Variants in GPR119 observed in about 807,000 individuals in gnomAD.
GPR119 encodes the protein G protein-coupled receptor 119, also known as glucose-dependent insulinotropic receptor.
Under a neutral mutation model 13.3 loss-of-function variants are expected in GPR119, and 7 were observed. That is an observed-to-expected ratio of 0.53 (90% CI 0.30 to 0.99). The LOEUF is 0.99. Ranked by LOEUF, GPR119 falls within the 50% of genes least tolerant of loss-of-function variation. The probability of loss-of-function intolerance (pLI) is 0.06; values close to 1 mark genes in which losing one functional copy is unlikely to be tolerated. For missense variants in GPR119, 197 were observed against 263.0 expected, an observed-to-expected ratio of 0.75 and a Z score of 1.74; for synonymous variants, 107 against 112.5, an observed-to-expected ratio of 0.95 and a Z score of 0.31.
chrX:130,383,392 T>C (rs1023425912), intron 1 of GPR119, among the ~76,000 whole-genome samples: 1 of 111,913 alleles, frequency 8.9e-6, no homozygotes, highest in Non-Finnish European at 1.9e-5. Context: ...GCAAAGTGGC[T>C]CCAGTCTGGA....
Position 130,385,453 on chromosome X carries a change from G to T in GPR119, c.-6C>A, listed in dbSNP as rs199934748. The T allele has an allele frequency of 8.3e-7, 1 of 1,202,425 alleles. No homozygotes were observed. The highest frequency in any genetic ancestry group is 1.1e-6 in the Non-Finnish European group (1 of 889,417). ...AATGAGAAAGATGATTCCATGTCTC[G>T]AAGTGGCAGGACTTCACTTACCAGG... is the stretch of plus-strand genomic sequence containing the variant. On this transcript the variant is annotated 5_prime_UTR_variant, in exon 1 of 2. Transcript: ENST00000682440.
In GPR119 at chrX:130,379,629, T is replaced by C. The variant is rs1446840058; in HGVS notation, c.*2927A>G. ...CTATAGGGAAATAGTTAAAGTATTA[T>C]ACCATTTGTTGAAAAAGCATGCAAC... On this transcript the variant is annotated 3_prime_UTR_variant, in exon 2 of 2. Coordinates refer to ENST00000682440, the MANE Select transcript of GPR119 (RefSeq NM_178471.3). 8.9e-6 allele frequency among the ~76,000 whole-genome samples: 1 copy of C among 111,773 alleles called. No homozygotes were observed. The highest frequency in any genetic ancestry group is 1.9e-5 in the Non-Finnish European group (1 of 53,263).
At chrX:130,383,328 AAC>A (rs1472666201) in intron 1 of GPR119, among the ~76,000 whole-genome samples, 1 of 112,201 alleles carries the variant, frequency 8.9e-6, no homozygotes, top group East Asian at 2.8e-4. Context: ...TCTCCTGTGC[AAC>A]AGTTTCTTAG....
Position 130,382,058 on chromosome X carries a change from T to C in GPR119, c.*498A>G. Among the ~76,000 whole-genome samples, 1 of 110,452 alleles carries C rather than the reference T, an allele frequency of 9.1e-6. No homozygotes were observed. Among genetic ancestry groups the C allele is most frequent in the African/African-American group, 3.3e-5 (1 of 29,921 alleles). On this transcript the variant is annotated 3_prime_UTR_variant, in exon 2 of 2. Transcript: ENST00000682440. Reference sequence around the variant, plus strand: ...GCTTTTCTGTACTTAAAAATATATATATTTTTTATTTTTAATTGACAAATA... The same window carrying C: ...GCTTTTCTGTACTTAAAAATATATACATTTTTTATTTTTAATTGACAAATA...
At position 130,385,101 on chromosome X, in the gene GPR119, A is replaced by G. The variant is rs1603269480; in HGVS notation, c.347T>C (p.Ile116Thr). 1.6e-6 allele frequency: 2 copies of G among 1,212,166 alleles called. No homozygotes were observed. The highest frequency in any genetic ancestry group is 3.0e-5 in the East Asian group (1 of 33,847). The change falls in exon 1 of 2, where the codon ATC becomes ACC. Residue 116 changes from isoleucine (I) to threonine (T), a missense_variant. Physicochemically the swap from Ile to Thr is moderately conservative, Grantham distance 89. Coordinates refer to ENST00000682440, the MANE Select transcript of GPR119 (RefSeq NM_178471.3). The part of the protein sequence containing the change: ...AIKQPFRYLK[I>T]MSGFVAGACI... ...GGCCCCGGCCACGAACCCACTCATGATCTTCAAGTAGCGGAAGGGCTGCTT... is the reference window on the plus strand; with the variant it reads ...GGCCCCGGCCACGAACCCACTCATGGTCTTCAAGTAGCGGAAGGGCTGCTT...
At position 130,385,135 on chromosome X, in the gene GPR119, G is replaced by C. The variant is rs2034378766; in HGVS notation, c.313C>G (p.Leu105Val). ...TVMLITFDRY[L>V]AIKQPFRYLK... ...TAGCGGAAGGGCTGCTTGATGGCAA[G>C]GTACCTGTCAAAGGTGATCAGCATG... Residue 105 changes from leucine (L) to valine (V), a missense_variant, in exon 1 of 2, where the codon CTT becomes GTT. Transcript: ENST00000682440. The C allele has an allele frequency of 8.3e-7, 1 of 1,211,906 alleles. No homozygotes were observed. The highest frequency in any genetic ancestry group is 1.1e-6 in the Non-Finnish European group (1 of 895,385).
In GPR119 at chrX:130,379,709, T is replaced by C. The variant is rs1392131658; in HGVS notation, c.*2847A>G. Among the ~76,000 whole-genome samples, 1 of 112,360 alleles carries C rather than the reference T, an allele frequency of 8.9e-6. No homozygotes were observed. Among genetic ancestry groups the C allele is most frequent in the African/African-American group, 3.2e-5 (1 of 30,962 alleles). On this transcript the variant is annotated 3_prime_UTR_variant, in exon 2 of 2. Coordinates refer to ENST00000682440, the MANE Select transcript of GPR119 (RefSeq NM_178471.3). ...ACATAGGAAAATATACACAATATAA[T>C]GTTAAGTGAAAAAAACAGATGAAGG...
rs919370770 is a variant in GPR119, at chrX:130,384,953, G to A, written c.495C>T (p.Phe165=). 2.5e-6 allele frequency: 3 copies of A among 1,210,479 alleles called. No homozygotes were observed. In the African/African-American group the frequency reaches 5.2e-5, roughly 21 times the overall value. ...CSFFAVFHPH[F]VLTLSCVGFF... ...AGCCAACGCAGGAGAGGGTCAGCAC[G>A]AAGTGAGGGTGAAATACAGCAAAGA... Residue 165 remains phenylalanine (F), a synonymous_variant, in exon 1 of 2, where the codon TTC becomes TTT. Transcript: ENST00000682440.
At position 130,380,102 on chromosome X, in the gene GPR119, G is replaced by T. The variant is rs771328773; in HGVS notation, c.*2454C>A. On this transcript the variant is annotated 3_prime_UTR_variant, in exon 2 of 2. Coordinates refer to ENST00000682440, the MANE Select transcript of GPR119 (RefSeq NM_178471.3). ...GGATGACGTGGAAAATACTGAAGGA[G>T]CCACAGAATTGAGTGGCTGACAGTA... Among the ~76,000 whole-genome samples the T allele has an allele frequency of 8.9e-5, 10 of 112,498 alleles. No individual in the cohort carries two copies. The highest frequency in any genetic ancestry group is 1.5e-4 in the Non-Finnish European group (8 of 53,353).
In GPR119 at chrX:130,385,063, G is replaced by A. The variant is rs41301493; in HGVS notation, c.385C>T (p.Leu129=). The change falls in exon 1 of 2, where the codon CTG becomes TTG. Residue 129 remains leucine, a synonymous_variant. Transcript: ENST00000682440. The part of the protein sequence containing the change: ...GFVAGACIAG[L]WLVSYLIGFL... ...CCAATGAGGTAAGACACTAACCACAGCCCGGCAATGCAGGCCCCGGCCACG... is the reference window on the plus strand; with the variant it reads ...CCAATGAGGTAAGACACTAACCACAACCCGGCAATGCAGGCCCCGGCCACG... The A allele has an allele frequency of 2.1e-5, 26 of 1,210,550 alleles. No individual in the cohort carries two copies. Among genetic ancestry groups the A allele is most frequent in the African/African-American group, 3.5e-5 (2 of 57,331 alleles).
Position 130,381,714 on chromosome X carries a change from T to C in GPR119, c.*842A>G, listed in dbSNP as rs1010883488. Among the ~76,000 whole-genome samples, 1 of 112,101 alleles carries C rather than the reference T, an allele frequency of 8.9e-6. No individual in the cohort carries two copies. Among genetic ancestry groups the C allele is most frequent in the South Asian group, 3.7e-4 (1 of 2,680 alleles). On this transcript the variant is annotated 3_prime_UTR_variant, in exon 2 of 2. Transcript: ENST00000682440. ...CCCTTAAATGGGTCAACTGACTGTT[T>C]AGTCCAGGGTGTTTAAAGAAGAGGA...
In GPR119 at chrX:130,385,239, GA is replaced by G; in HGVS notation, c.208del (p.Ser70LeufsTer29). On this transcript the variant is annotated frameshift_variant, in exon 1 of 2. Transcript: ENST00000682440. LOFTEE classifies it high-confidence loss of function. ...GCACAGGGTCTTCTGTGTGGGCCGA[GA>G]AGGGCTGGAGAGCTGGTCTGTGAGT... ...GLLTDQLSSPSRPTQKTLCSL... is the reference protein window; with the variant it reads ...GLLTDQLSSPXRPTQKTLCSL... 8.3e-7 allele frequency: 1 copy of G among 1,212,112 alleles called. No homozygotes were observed. Among genetic ancestry groups the G allele is most frequent in the Non-Finnish European group, 1.1e-6 (1 of 895,517 alleles).
rs2034377233 is a variant in GPR119, at chrX:130,384,962, G to T, written c.486C>A (p.His162Gln). ...AGGAGAGGGTCAGCACGAAGTGAGG[G>T]TGAAATACAGCAAAGAAGCTGCACT... is the stretch of plus-strand genomic sequence containing the variant. ...KGQCSFFAVF[H>Q]PHFVLTLSCV... is the part of the protein sequence containing the mutation. The change falls in exon 1 of 2, where the codon CAC becomes CAA. Residue 162 changes from histidine (H) to glutamine (Q), a missense_variant. Physicochemically the swap from His to Gln is conservative, Grantham distance 24. Coordinates refer to ENST00000682440, the MANE Select transcript of GPR119 (RefSeq NM_178471.3). 8.3e-7 allele frequency: 1 copy of T among 1,212,054 alleles called. No homozygotes were observed. The highest frequency in any genetic ancestry group is 3.0e-5 in the East Asian group (1 of 33,858).
At chrX:130,383,950 A>G (rs2034369305) in intron 1 of GPR119, among the ~76,000 whole-genome samples, 1 of 112,464 alleles carries the variant, frequency 8.9e-6, no homozygotes, top group African/African-American at 3.2e-5. Flanking sequence ...AAAAAAAACC[A>G]GTATAATTTT....
intron 1 of GPR119, among the ~76,000 whole-genome samples, chrX:130,383,066 G>A (rs2034365485): frequency 9.0e-6 from 1 of 111,210 alleles, no homozygotes; most frequent in African/African-American, 3.3e-5. Context: ...CAGCTTTCTG[G>A]GGCAATATTA....
rs201021146 is a variant in GPR119, at chrX:130,385,444, C to T, written c.4G>A (p.Glu2Lys). The change falls in exon 1 of 2, where the codon GAA (glutamate) becomes AAA (lysine). Residue 2 changes from glutamate to lysine, a missense_variant. Transcript: ENST00000682440. ...ATCACTCCAAATGAGAAAGATGATT[C>T]CATGTCTCGAAGTGGCAGGACTTCA... MESSFSFGVILA... is the reference protein window; with the variant it reads MKSSFSFGVILA... 76 of 1,204,339 alleles carry T rather than the reference C, an allele frequency of 6.3e-5. No homozygotes were observed. The highest frequency in any genetic ancestry group is 2.3e-4 in the Middle Eastern group (1 of 4,341).
In GPR119 at chrX:130,384,667, C is replaced by G. The variant is rs200387439; in HGVS notation, c.781G>C (p.Glu261Gln). The G allele has an allele frequency of 5.8e-6, 7 of 1,210,114 alleles. No homozygotes were observed. In the African/African-American group the frequency reaches 1.2e-4, roughly 21 times the overall value. ...ACGCCGAGCAGCCACAGGTACCGTT[C>G]CAGCACTAGGTAGAGGTGACACTCC... Reference protein sequence around the residue: ...CQECHLYLVLERYLWLLGVGN... With the variant: ...CQECHLYLVLQRYLWLLGVGN... Residue 261 changes from glutamate (E) to glutamine (Q), a missense_variant, in exon 1 of 2, where the codon GAA becomes CAA. Physicochemically the swap from Glu to Gln is conservative, Grantham distance 29. Coordinates refer to ENST00000682440, the MANE Select transcript of GPR119 (RefSeq NM_178471.3).
In GPR119 at chrX:130,385,605, C is replaced by T. The variant is rs1478426437; in HGVS notation, c.-158G>A. Among the ~76,000 whole-genome samples the T allele has an allele frequency of 1.8e-5, 2 of 109,978 alleles. No homozygotes were observed. Among genetic ancestry groups the T allele is most frequent in the Non-Finnish European group, 3.8e-5 (2 of 52,975 alleles). On this transcript the variant is annotated 5_prime_UTR_variant, in exon 1 of 2. Transcript: ENST00000682440. ...GCAGGTCGCCATCTTTGGGATCCTA[C>T]AGGTCATGAAGAATTACTCACCCTC...
chrX:130,380,890 G>C lies in GPR119; in HGVS notation c.*1666C>G, dbSNP rs1360858658. ...AGCTGTTCATGGAAATAATAAATGG[G>C]ACTGATTGGCCTACATTGCATCCTA... is the stretch of plus-strand genomic sequence containing the variant. On this transcript the variant is annotated 3_prime_UTR_variant, in exon 2 of 2. Transcript: ENST00000682440. Among the ~76,000 whole-genome samples the C allele has an allele frequency of 8.9e-6, 1 of 112,132 alleles. No individual in the cohort carries two copies. The highest frequency in any genetic ancestry group is 9.4e-5 in the Admixed American group (1 of 10,596).
Sources: allele counts gnomAD v4.1 joint callset (sites outside exome capture counted in the v4.1 genomes callset), GRCh38; gene constraint gnomAD v4.1.1; transcripts MANE v1.5; gene names NCBI Gene and HGNC (gene_info 2026-07-23, HGNC 2026-07-21).